BORCS5: variants seen among roughly 807,000 people sequenced by gnomAD.
The protein encoded by BORCS5 is BLOC-1 related complex subunit 5.
A neutral mutation model predicts 22.1 loss-of-function variants in BORCS5; 17 were observed. The observed-to-expected ratio is 0.77, with a 90% CI of 0.53 to 1.15. The LOEUF (loss-of-function observed/expected upper bound fraction) is 1.15. BORCS5 is among the 50% of genes most tolerant of loss of function. BORCS5 has a pLI of 0.00. For missense variants in BORCS5, 247 were observed against 253.2 expected (o/e 0.98, Z 0.17); for synonymous variants, 117 against 99.8 (o/e 1.17, Z -1.03).
intron 2 of BORCS5, among the ~76,000 whole-genome samples, chr12:12,381,532 T>C (rs1158086867): frequency 6.6e-6 from 1 of 151,522 alleles, no homozygotes; most frequent in Non-Finnish European, 1.5e-5. Flanking sequence ...TTCTGGACTC[T>C]TAGGTCTGTT....
At chr12:12,429,253 A>G (rs374267057) in intron 2 of BORCS5, among the ~76,000 whole-genome samples, 88 of 152,354 alleles carry the variant, frequency 5.8e-4, no homozygotes, top group African/African-American at 2.0e-3. Flanking sequence ...CCCTCTTTTC[A>G]GAAGATCCAG....
intron 2 of BORCS5, among the ~76,000 whole-genome samples, chr12:12,391,502 C>A (rs1031392736): frequency 2.0e-5 from 3 of 151,682 alleles, no homozygotes; most frequent in Non-Finnish European, 4.4e-5. Flanking sequence ...TCTCCTGCCT[C>A]AGTCTCCCAA....
At chr12:12,415,956 G>A (rs1230510940) in intron 2 of BORCS5, among the ~76,000 whole-genome samples, 1 of 152,044 alleles carries the variant, frequency 6.6e-6, no homozygotes, top group Non-Finnish European at 1.5e-5. Flanking sequence ...TCAGTTCCAG[G>A]GCTTTTCTTT....
At position 12,414,169 on chromosome 12, in the gene BORCS5, C is replaced by G. The variant is rs1206528148; in HGVS notation, c.203-21459C>G. Among the ~76,000 whole-genome samples, 366 of 100,588 alleles carry G rather than the reference C, an allele frequency of 3.6e-3. 1 individual carries two copies. The highest frequency in any genetic ancestry group is 0.014 in the African/African-American group (335 of 24,412). The allele number at this position is 100,588 out of a possible 152,430, so 66.0% of individuals were successfully genotyped here. On this transcript the variant is annotated intron_variant, in intron 2 of 3. Transcript: ENST00000314565. ...TGGCCGGGCGGGGGGCTGACCCCCCCACCTCCCTCCCGGATGGGGCGGCTG... is the reference window on the plus strand; with the variant it reads ...TGGCCGGGCGGGGGGCTGACCCCCCGACCTCCCTCCCGGATGGGGCGGCTG...
At chr12:12,402,156 T>C (rs1456156510) in intron 2 of BORCS5, among the ~76,000 whole-genome samples, 2 of 152,086 alleles carry the variant, frequency 1.3e-5, no homozygotes, top group African/African-American at 4.8e-5. Flanking sequence ...TTGGAGGACA[T>C]TTTGGGTATT....
intron 2 of BORCS5, among the ~76,000 whole-genome samples, chr12:12,379,977 T>C (rs545972051): frequency 9.2e-5 from 14 of 151,434 alleles, no homozygotes; most frequent in Admixed American, 5.3e-4. Context: ...ATAAAGACCA[T>C]TGTAGGGGAA....
intron 2 of BORCS5, among the ~76,000 whole-genome samples, chr12:12,367,331 A>G (rs36085716): frequency 3.9e-5 from 6 of 152,226 alleles, no homozygotes; most frequent in Non-Finnish European, 5.9e-5. Context: ...TTATCATTGC[A>G]TTGGAAAATG....
intron 2 of BORCS5, among the ~76,000 whole-genome samples, chr12:12,421,865 A>G (rs1332965520): frequency 6.6e-6 from 1 of 151,996 alleles, no homozygotes; most frequent in Non-Finnish European, 1.5e-5. Context: ...TTCTCTGATG[A>G]TAGTTTGTAT....
At chr12:12,406,555 C>T (rs905738384) in intron 2 of BORCS5, among the ~76,000 whole-genome samples, 2 of 152,072 alleles carry the variant, frequency 1.3e-5, no homozygotes, top group Non-Finnish European at 2.9e-5. Context: ...TTTTTTCTTG[C>T]ATCCTTTTCT....
At chr12:12,452,284 C>A (rs1942925675) in intron 3 of BORCS5, 1 of 783,254 alleles carries the variant, frequency 1.3e-6, no homozygotes, top group Admixed American at 1.9e-5. Context: ...GTAACAATCC[C>A]ATTCATGTTT....
chr12:12,400,982 A>T (rs1039119578), intron 2 of BORCS5, among the ~76,000 whole-genome samples: 3 of 152,136 alleles, frequency 2.0e-5, no homozygotes, highest in African/African-American at 7.2e-5. Context: ...ATCCATGTTG[A>T]TATATGTCTC....
At chr12:12,357,577 G>T (rs1333210379) in intron 1 of BORCS5, 68 bp downstream of exon 1, 1 of 1,538,052 alleles carries the variant, frequency 6.5e-7, no homozygotes, top group African/African-American at 1.4e-5. Context: ...CTGCCTCCCA[G>T]ACTAGGGTCA....
intron 3 of BORCS5, among the ~76,000 whole-genome samples, chr12:12,443,126 A>G (rs1019861996): frequency 6.6e-6 from 1 of 152,206 alleles, no homozygotes; most frequent in African/African-American, 2.4e-5. Flanking sequence ...TCGCCCTGAC[A>G]CTGTGAACCG....
Position 12,422,174 on chromosome 12 carries a change from G to C in BORCS5, c.203-13454G>C, listed in dbSNP as rs140159660. Reference sequence around the variant, plus strand: ...TAGATCTTTCCTGCTTTCTCTTGTGGGCATTTAGTGCTTATGCTGTTTTCT... The same window carrying C: ...TAGATCTTTCCTGCTTTCTCTTGTGCGCATTTAGTGCTTATGCTGTTTTCT... On this transcript the variant is annotated intron_variant, in intron 2 of 3. Transcript: ENST00000314565. Among the ~76,000 whole-genome samples, 1,049 of 152,084 alleles carry C rather than the reference G, an allele frequency of 6.9e-3. 15 individuals are homozygous for C. Among genetic ancestry groups the C allele is most frequent in the African/African-American group, 0.024 (982 of 41,476 alleles).
chr12:12,462,839 T>C (rs895833124), intron 3 of BORCS5, among the ~76,000 whole-genome samples: 1 of 152,022 alleles, frequency 6.6e-6, no homozygotes, highest in Non-Finnish European at 1.5e-5. Flanking sequence ...TGTATTTTAA[T>C]AGAGACGGAG....
chr12:12,370,632 ACAGT>A (rs1442468358), intron 2 of BORCS5, among the ~76,000 whole-genome samples: 10 of 152,206 alleles, frequency 6.6e-5, no homozygotes, highest in African/African-American at 1.9e-4. Context: ...CAGTGCGGGA[ACAGT>A]CAGCTCCTAT....
chr12:12,462,360 A>G (rs1312089997), intron 3 of BORCS5, among the ~76,000 whole-genome samples: 2 of 152,228 alleles, frequency 1.3e-5, no homozygotes, highest in African/African-American at 2.4e-5. Context: ...AGGACCTGCT[A>G]TGTGCTGGGT....
chr12:12,452,468 G>A (rs997564215), intron 3 of BORCS5: 5 of 496,940 alleles, frequency 1.0e-5, no homozygotes, highest in African/African-American at 9.8e-5. Flanking sequence ...GTTAAGATTA[G>A]GATCGCCTTG....
intron 2 of BORCS5, among the ~76,000 whole-genome samples, chr12:12,365,674 A>T (rs181749410): frequency 2.7e-4 from 41 of 152,266 alleles, no homozygotes; most frequent in Admixed American, 1.2e-3. Context: ...TTGGGCCGTG[A>T]TTAGGAAAGA....
Sources: gnomAD v4.1 joint callset for allele counts (sites outside exome capture counted in the v4.1 genomes callset) on GRCh38, gnomAD v4.1.1 for gene constraint, MANE v1.5 for transcripts, NCBI Gene and HGNC (gene_info 2026-07-23, HGNC 2026-07-21) for gene names.